ADGRG1: variants seen among roughly 807,000 people sequenced by gnomAD.
ADGRG1 encodes adhesion G protein-coupled receptor G1, also known as 7-transmembrane protein with no EGF-like N-terminal domains-1.
In ADGRG1, 53 loss-of-function variants were observed where a neutral mutation model predicts 73.5. That is an observed-to-expected ratio of 0.72 (90% CI 0.58 to 0.91). ADGRG1 has a LOEUF of 0.91. Ranked by LOEUF, ADGRG1 falls within the 40% of genes least tolerant of loss-of-function variation. ADGRG1 has a pLI of 0.00. For missense variants in ADGRG1, 795 were observed against 871.8 expected (o/e 0.91, Z 1.11); for synonymous variants, 394 against 374.4 (o/e 1.05, Z -0.60).
chr16:57,648,686 C>G, intron 1 of ADGRG1: 1 of 984,624 alleles, frequency 1.0e-6, no homozygotes, highest in Non-Finnish European at 1.2e-6. Context: ...CACGTGTGTT[C>G]TCCGGCTTGT....
intron 13 of ADGRG1, 53 bp downstream of exon 13, chr16:57,662,018 A>C: frequency 7.0e-7 from 1 of 1,420,354 alleles, no homozygotes; most frequent in Non-Finnish European, 1.0e-6. Context: ...ACATGGAGCA[A>C]GGGCAGGGAA....
intron 1 of ADGRG1, among the ~76,000 whole-genome samples, chr16:57,645,691 T>C (rs1197394188): frequency 1.3e-5 from 2 of 151,924 alleles, no homozygotes; most frequent in East Asian, 1.9e-4. Context: ...AAAGCCAAGC[T>C]CCCAAGCCCA....
intron 4 of ADGRG1, chr16:57,653,783 C>A (rs1355393640): frequency 7.1e-6 from 7 of 983,738 alleles, no homozygotes; most frequent in Non-Finnish European, 8.5e-6. Context: ...CCAGCTCATT[C>A]TTTCTCTCCC....
intron 1 of ADGRG1, chr16:57,643,719 T>C (rs1439811866): frequency 1.5e-5 from 15 of 985,046 alleles, no homozygotes; most frequent in African/African-American, 1.7e-5. Flanking sequence ...GAAGTCACTC[T>C]GCTTCTGCCA....
At chr16:57,659,244 A>T (rs947335540) in intron 10 of ADGRG1, 169 bp from the exon 11 acceptor site, 179 of 1,485,774 alleles carry the variant, frequency 1.2e-4, no homozygotes, top group Middle Eastern at 4.8e-4. Flanking sequence ...GCACAGGGGG[A>T]TGTGGGGAAC....
rs563613495 is a variant in ADGRG1 at position 57,644,200 on chromosome 16, C to T, written c.-35-6053C>T. The stretch of plus-strand genomic sequence containing the variant: ...TTTCTCCTCCTGGCCCCATGCATCC[C>T]TGTGTATGCACGGGCACACGCACTC... On this transcript the variant is annotated intron_variant, in intron 1 of 13. Coordinates refer to ENST00000562631, the MANE Select transcript of ADGRG1 (RefSeq NM_201525.4). 12 of 984,994 alleles carry T rather than the reference C, an allele frequency of 1.2e-5. No individual in the cohort carries two copies. In the African/African-American group the frequency reaches 1.7e-4, roughly 14 times the overall value. 61.0% of individuals were successfully genotyped at this position (984,994 alleles called of 1,614,324 possible).
At chr16:57,640,807 C>T (rs1326025346) in intron 1 of ADGRG1, 3 of 835,794 alleles carry the variant, frequency 3.6e-6, no homozygotes, top group African/African-American at 1.8e-5. Context: ...GGGTTGGTGG[C>T]CAGCCTGGGA....
chr16:57,627,782 G>C, upstream of ADGRG1: 1 of 985,352 alleles, frequency 1.0e-6, no homozygotes, highest in Non-Finnish European at 1.2e-6. Context: ...GTTATCCAAA[G>C]CCTCCTGACT....
At chr16:57,653,417 G>A (rs907024744) in intron 4 of ADGRG1, 82 bp downstream of exon 4, 145 of 1,585,322 alleles carry the variant, frequency 9.1e-5, no homozygotes, top group Non-Finnish European at 1.2e-4. Flanking sequence ...CCTGGAGTAG[G>A]GGCTACTGCG....
intron 1 of ADGRG1, chr16:57,629,614 G>A (rs1467523788): frequency 6.6e-6 from 1 of 152,210 alleles, no homozygotes; most frequent in Non-Finnish European, 1.5e-5. Flanking sequence ...TCATCACCAA[G>A]GCCAGCTTTG....
chr16:57,628,716 A>C lies in ADGRG1; in HGVS notation c.-122A>C. ...GCTCACTCGGCAGGCAGCGGGGACCAGGGCTGGCAGGTTAAGCCTCTGGGG... is the reference window on the plus strand; with the variant it reads ...GCTCACTCGGCAGGCAGCGGGGACCCGGGCTGGCAGGTTAAGCCTCTGGGG... On this transcript the variant is annotated 5_prime_UTR_variant, in exon 1 of 14. Coordinates refer to ENST00000562631, the MANE Select transcript of ADGRG1 (RefSeq NM_201525.4). The C allele has an allele frequency of 2.0e-6, 2 of 985,502 alleles. No individual in the cohort carries two copies. The highest frequency in any genetic ancestry group is 2.4e-6 in the Non-Finnish European group (2 of 829,962). The allele number at this position is 985,502 out of a possible 1,614,324, so 61.0% of individuals were successfully genotyped here. A position where few individuals can be genotyped will look rare whatever the true frequency, so the allele number is the denominator to read the frequency against.
In ADGRG1 at chr16:57,621,875, G is replaced by C. The variant is rs531730055; in HGVS notation, c.-154+480G>C. The C allele has an allele frequency of 4.1e-6, 4 of 985,284 alleles. No homozygotes were observed. In the African/African-American group the frequency reaches 7.0e-5, roughly 17 times the overall value. The allele number at this position is 985,284 out of a possible 1,614,324, so 61.0% of individuals were successfully genotyped here. A position where few individuals can be genotyped will look rare whatever the true frequency, so the allele number is the denominator to read the frequency against. On this transcript the variant is annotated intron_variant, in intron 2 of 4. Coordinates refer to the ADGRG1 transcript ENST00000561833. Reference sequence around the variant, plus strand: ...GGGGATGCTGGTGACCCCATGCCAAGGCTGGGACCCCTAGTTCAGGAAGGG... The same window carrying C: ...GGGGATGCTGGTGACCCCATGCCAACGCTGGGACCCCTAGTTCAGGAAGGG...
intron 1 of ADGRG1, chr16:57,631,975 T>C: frequency 1.0e-6 from 1 of 985,126 alleles, no homozygotes; most frequent in Non-Finnish European, 1.2e-6. Context: ...TGGCAGGAGG[T>C]CAGCTAAGCC....
chr16:57,628,582 C>G (rs1221234025), upstream of ADGRG1: 1 of 985,386 alleles, frequency 1.0e-6, no homozygotes, highest in Non-Finnish European at 1.2e-6. Context: ...CCAGCTGGGG[C>G]AGGAGAGGGG....
In ADGRG1 at chr16:57,628,958, G is replaced by A. The variant is rs1467553389; in HGVS notation, c.-36+156G>A. 12 of 594,310 alleles carry A rather than the reference G, an allele frequency of 2.0e-5. 1 individual carries two copies. Among genetic ancestry groups the A allele is most frequent in the Non-Finnish European group, 2.4e-5 (12 of 493,750 alleles). The allele number at this position is 594,310 out of a possible 1,614,324, so 36.8% of individuals were successfully genotyped here. A position where few individuals can be genotyped will look rare whatever the true frequency, so the allele number is the denominator to read the frequency against. On this transcript the variant is annotated intron_variant, in intron 1 of 13. Transcript: ENST00000562631. ...AGTGTGAGCGTGAGAGTGTGAGAGT[G>A]TGTGAGTGTGAGTGTGTGAGAGTGA...
At position 57,644,968 on chromosome 16, in the gene ADGRG1, A is replaced by C. The variant is rs944046309; in HGVS notation, c.-35-5285A>C. 11 of 615,752 alleles carry C rather than the reference A, an allele frequency of 1.8e-5. No individual in the cohort carries two copies. In the African/African-American group the frequency reaches 1.9e-4, roughly 11 times the overall value. The allele number at this position is 615,752 out of a possible 1,614,324, so 38.1% of individuals were successfully genotyped here. ...GCACCCACTGATCACACACTCATGC[A>C]TGGGCACACACCCCCATGCACACAC... On this transcript the variant is annotated intron_variant, in intron 1 of 13. Transcript: ENST00000562631.
At chr16:57,626,539 G>A (rs1225598036), upstream of ADGRG1, 24 of 968,642 alleles carry the variant, frequency 2.5e-5, no homozygotes, top group East Asian at 1.1e-4. Context: ...AAAGTCCGAC[G>A]GTGAGAGAGG....
chr16:57,639,899 TG>T (rs565773791), intron 1 of ADGRG1: 23 of 969,066 alleles, frequency 2.4e-5, no homozygotes, highest in East Asian at 1.1e-4. Context: ...CTAGGGACCC[TG>T]GGGGGGTCAG....
intron 10 of ADGRG1, among the ~76,000 whole-genome samples, 158 bp downstream of exon 10, chr16:57,657,649 A>C (rs2046076329): frequency 6.6e-6 from 1 of 152,266 alleles, no homozygotes; most frequent in Non-Finnish European, 1.5e-5. Flanking sequence ...CTTGGGGGCC[A>C]CGTCTCCTCC....
Sources: gnomAD v4.1 joint callset for allele counts (sites outside exome capture counted in the v4.1 genomes callset) on GRCh38, gnomAD v4.1.1 for gene constraint, MANE v1.5 for transcripts, NCBI Gene and HGNC (gene_info 2026-07-23, HGNC 2026-07-21) for gene names.